Variants in DGLUCY observed in about 807,000 individuals in gnomAD.
DGLUCY encodes the protein D-glutamate cyclase, mitochondrial.
In DGLUCY, 58 loss-of-function variants were observed where a neutral mutation model predicts 58.5. That is an observed-to-expected ratio of 0.99 (90% CI 0.80 to 1.23). The LOEUF (loss-of-function observed/expected upper bound fraction) is 1.23. DGLUCY is among the 50% of genes most tolerant of loss of function. The probability of loss-of-function intolerance (pLI) is 0.00; values close to 1 mark genes in which losing one functional copy is unlikely to be tolerated. For missense variants in DGLUCY, 779 were observed against 784.7 expected, an observed-to-expected ratio of 0.99 and a Z score of 0.09; for synonymous variants, 325 against 314.1, an observed-to-expected ratio of 1.03 and a Z score of -0.37.
At chr14:91,222,257 C>T (rs545958867) in intron 13 of DGLUCY, among the ~76,000 whole-genome samples, 71 of 152,336 alleles carry the variant, frequency 4.7e-4, no homozygotes, top group African/African-American at 1.6e-3. Context: ...CCCTGTGTCT[C>T]TTGGAGGCTG....
chr14:91,116,515 A>G (rs1760227891), intron 1 of DGLUCY, among the ~76,000 whole-genome samples: 1 of 152,220 alleles, frequency 6.6e-6, no homozygotes, highest in East Asian at 1.9e-4. Flanking sequence ...GACTGAAAGT[A>G]TGATCTCAAT....
intron 13 of DGLUCY, chr14:91,216,128 G>A (rs538972728): frequency 4.7e-6 from 1 of 213,118 alleles, no homozygotes; most frequent in Admixed American, 5.2e-5. Context: ...CTTGGGAGAT[G>A]AGGACAGGCT....
chr14:91,220,359 G>A (rs1887272788), intron 13 of DGLUCY: 1 of 401,004 alleles, frequency 2.5e-6, no homozygotes, highest in Non-Finnish European at 5.1e-6. Context: ...TGGATTAATA[G>A]CAAGTGTTCA....
Position 91,169,973 on chromosome 14 carries a change from G to A in DGLUCY, c.258-30G>A, listed in dbSNP as rs377018236. ...TCAGGGGCCACAGTGAGAGTCTGGG[G>A]CCCTCCCAGCTTTCCCCTTATGTCC... is the stretch of plus-strand genomic sequence containing the variant. On this transcript the variant is annotated intron_variant, in intron 4 of 13. Coordinates refer to ENST00000256324, the MANE Select transcript of DGLUCY (RefSeq NM_001102368.3). 4 of 1,602,070 alleles carry A rather than the reference G, an allele frequency of 2.5e-6. No individual in the cohort carries two copies. The South Asian group carries it at 3.3e-5, about 13-fold the overall frequency.
At chr14:91,165,872 A>G (rs2048255297) in intron 3 of DGLUCY, among the ~76,000 whole-genome samples, 1 of 152,196 alleles carries the variant, frequency 6.6e-6, no homozygotes, top group African/African-American at 2.4e-5. Context: ...ATGTACTCCA[A>G]AATGCATGTT....
exon 1 of DGLUCY, chr14:91,060,704 G>A: frequency 2.9e-6 from 1 of 346,088 alleles, no homozygotes; most frequent in Non-Finnish European, 5.1e-6. Context: ...CAGCCAGCAA[G>A]GTAAGGGAGC....
At chr14:91,091,590 CT>C (rs1297410612) in intron 1 of DGLUCY, among the ~76,000 whole-genome samples, 1 of 152,100 alleles carries the variant, frequency 6.6e-6, no homozygotes, top group Non-Finnish European at 1.5e-5. Flanking sequence ...GGGCATATGC[CT>C]TTTCCTGAAC....
intron 12 of DGLUCY, among the ~76,000 whole-genome samples, chr14:91,213,398 G>C (rs1471939481): frequency 6.6e-6 from 1 of 151,832 alleles, no homozygotes; most frequent in African/African-American, 2.4e-5. Context: ...TCATAACACT[G>C]CACTCCAGCA....
intron 5 of DGLUCY, among the ~76,000 whole-genome samples, chr14:91,170,691 C>T (rs942649119): frequency 6.6e-6 from 1 of 152,096 alleles, no homozygotes; most frequent in Admixed American, 6.5e-5. Context: ...ACAGCACAGC[C>T]GGCGTCTCTG....
At chr14:91,156,155 C>G (rs1459316895) in intron 1 of DGLUCY, among the ~76,000 whole-genome samples, 1 of 151,560 alleles carries the variant, frequency 6.6e-6, no homozygotes, top group Non-Finnish European at 1.5e-5. Context: ...GCTCTGTTGC[C>G]CAGACTGGAG....
In DGLUCY at chr14:91,181,369, C is replaced by T; in HGVS notation, c.914C>T (p.Ser305Phe). The change falls in exon 8 of 14, where the codon TCT becomes TTT. Residue 305 changes from serine to phenylalanine, a missense_variant. Physicochemically the swap from Ser to Phe is radical, Grantham distance 155. Coordinates refer to ENST00000256324, the MANE Select transcript of DGLUCY (RefSeq NM_001102368.3). The stretch of plus-strand genomic sequence containing the variant: ...TCTCAGAAGATCAGAGAACTAGAGT[C>T]TATGATCGGCATAGACCCAGGTAAG... ...SASQKIRELE[S>F]MIGIDPGNRG... 6.2e-7 allele frequency: 1 copy of T among 1,613,742 alleles called. No homozygotes were observed.
At chr14:91,167,954 C>T (rs1227413313) in intron 4 of DGLUCY, among the ~76,000 whole-genome samples, 1 of 152,176 alleles carries the variant, frequency 6.6e-6, no homozygotes, top group Non-Finnish European at 1.5e-5. Flanking sequence ...TAAACCCGAT[C>T]ATGTGGCTCT....
At position 91,085,625 on chromosome 14, in the gene DGLUCY, A is replaced by G. The variant is rs528421460; in HGVS notation, c.-82+24921A>G. 1.7e-4 allele frequency among the ~76,000 whole-genome samples: 26 copies of G among 149,534 alleles called. No homozygotes were observed. In the East Asian group the frequency reaches 2.4e-3, roughly 14 times the overall value. Reference sequence around the variant, plus strand: ...CACTCTATTCCCCAGGCTGGAGTGCAATGGCACGATCTCAGCTCACTGCAA... The same window carrying G: ...CACTCTATTCCCCAGGCTGGAGTGCGATGGCACGATCTCAGCTCACTGCAA... On this transcript the variant is annotated intron_variant, in intron 1 of 4. Transcript: ENST00000521334.
rs969877845 is a variant in DGLUCY at position 91,216,007 on chromosome 14, T to C, written c.1716+451T>C. The stretch of plus-strand genomic sequence containing the variant: ...AGTCAATCAGCCATACTAAGGAAAG[T>C]GCTAAGGGGGACAGACAAGGTGAGA... On this transcript the variant is annotated intron_variant, in intron 13 of 13. Coordinates refer to ENST00000256324, the MANE Select transcript of DGLUCY (RefSeq NM_001102368.3). 9.5e-6 allele frequency: 3 copies of C among 314,424 alleles called. No individual in the cohort carries two copies. In the East Asian group the frequency reaches 2.5e-4, roughly 27 times the overall value. The allele number at this position is 314,424 out of a possible 1,614,324, so 19.5% of individuals were successfully genotyped here.
chr14:91,104,584 C>T (rs529342047), upstream of DGLUCY, among the ~76,000 whole-genome samples: 6 of 152,168 alleles, frequency 3.9e-5, no homozygotes, highest in African/African-American at 4.8e-5. Flanking sequence ...GTTTGAGAAA[C>T]GACTTTCCAC....
chr14:91,176,898 A>G (rs1171934328), intron 7 of DGLUCY, among the ~76,000 whole-genome samples: 1 of 152,168 alleles, frequency 6.6e-6, no homozygotes, highest in Non-Finnish European at 1.5e-5. Flanking sequence ...CACCGTGTCC[A>G]GCCTCAAATA....
rs116150348 is a variant in DGLUCY, at chr14:91,170,979, C to T, written c.456+778C>T. On this transcript the variant is annotated intron_variant, in intron 5 of 13. Coordinates refer to ENST00000256324, the MANE Select transcript of DGLUCY (RefSeq NM_001102368.3). Reference sequence around the variant, plus strand: ...CAGCTGCCTCTGATCAGCAACAAAGCTGCCCATAGTCTGTGCTGCCTTCAT... The same window carrying T: ...CAGCTGCCTCTGATCAGCAACAAAGTTGCCCATAGTCTGTGCTGCCTTCAT... 1.9e-3 allele frequency among the ~76,000 whole-genome samples: 287 copies of T among 152,312 alleles called. 2 individuals are homozygous for T. The highest frequency in any genetic ancestry group is 6.5e-3 in the African/African-American group (270 of 41,568).
At chr14:91,136,188 C>T (rs2046329157) in intron 1 of DGLUCY, among the ~76,000 whole-genome samples, 1 of 151,816 alleles carries the variant, frequency 6.6e-6, no homozygotes, top group Non-Finnish European at 1.5e-5. Context: ...CTGCCTCGGC[C>T]TCCCAAAGTG....
chr14:91,197,555 C>T lies in DGLUCY; in HGVS notation c.1295+1081C>T, dbSNP rs901560101. Among the ~76,000 whole-genome samples the T allele has an allele frequency of 6.6e-5, 10 of 152,366 alleles. No homozygotes were observed. In the East Asian group the frequency reaches 1.9e-3, roughly 29 times the overall value. ...ATTCAAAGATAATTCTCCATCTCCT[C>T]CTCAACCCAGCCTCTGGCAACCACA... is the stretch of plus-strand genomic sequence containing the variant. On this transcript the variant is annotated intron_variant, in intron 10 of 13. Transcript: ENST00000256324.
Sources: allele counts gnomAD v4.1 joint callset (sites outside exome capture counted in the v4.1 genomes callset), GRCh38; gene constraint gnomAD v4.1.1; transcripts MANE v1.5; gene names NCBI Gene and HGNC (gene_info 2026-07-23, HGNC 2026-07-21).